The following USH2A variants were observed in gnomAD, a reference collection of about 807,000 sequenced individuals.
USH2A encodes the protein usherin.
In USH2A, 443 loss-of-function variants were observed where a neutral mutation model predicts 538.9. The ratio of observed to expected loss-of-function variants is 0.82; its 90% CI spans 0.76 to 0.89. USH2A has a LOEUF of 0.89. Among genes scored for constraint, USH2A ranks in the 40% least tolerant of loss-of-function variants. The probability of loss-of-function intolerance (pLI) is 0.00; values close to 1 mark genes in which losing one functional copy is unlikely to be tolerated. For synonymous variants in USH2A, 2,413 were observed against 2,273.5 expected (o/e 1.06, Z -1.75); for missense variants, 6,633 against 6,324.8 (o/e 1.05, Z -1.65).
At chr1:216,070,418 G>T in intron 29 of USH2A, 126 bp from the exon 30 acceptor site, 1 of 904,340 alleles carries the variant, frequency 1.1e-6, no homozygotes, top group South Asian at 1.4e-5. Flanking sequence ...ATTTATTAGA[G>T]TTGTAACTTT....
intron 21 of USH2A, among the ~76,000 whole-genome samples, chr1:216,169,928 G>A (rs551378043): frequency 6.6e-6 from 1 of 151,986 alleles, no homozygotes; most frequent in East Asian, 1.9e-4. Flanking sequence ...GAAAAGAACT[G>A]GGGTTTTGTT....
At chr1:216,093,546 C>T (rs1357004018) in intron 22 of USH2A, among the ~76,000 whole-genome samples, 1 of 152,178 alleles carries the variant, frequency 6.6e-6, no homozygotes, top group Non-Finnish European at 1.5e-5. Context: ...TCCTGGCAGC[C>T]ATTCTCCGTT....
intron 61 of USH2A, among the ~76,000 whole-genome samples, chr1:215,701,893 TAC>T (rs1659029781): frequency 6.6e-6 from 1 of 152,230 alleles, no homozygotes; most frequent in Non-Finnish European, 1.5e-5. Context: ...CACTAGTTGA[TAC>T]AGTTTCTTGA....
intron 21 of USH2A, among the ~76,000 whole-genome samples, chr1:216,117,797 G>GAC (rs1028725336): frequency 1.4e-5 from 2 of 147,040 alleles, no homozygotes; most frequent in African/African-American, 2.6e-5. Context: ...TACACACACA[G>GAC]ACACACATAT....
chr1:215,889,667 A>G (rs1485028673), intron 40 of USH2A, among the ~76,000 whole-genome samples: 1 of 152,176 alleles, frequency 6.6e-6, no homozygotes, highest in African/African-American at 2.4e-5. Context: ...AACAATGCAC[A>G]GATCTGACCT....
rs754679454 is a variant in USH2A, at chr1:216,199,898, C to A, written c.3540G>T (p.Glu1180Asp). The A allele has an allele frequency of 1.2e-6, 2 of 1,614,130 alleles. No individual in the cohort carries two copies. Among genetic ancestry groups the A allele is most frequent in the Non-Finnish European group, 1.7e-6 (2 of 1,180,004 alleles). The change falls in exon 17 of 72, where the codon GAG becomes GAT. Residue 1180 changes from glutamate (E) to aspartate (D), a missense_variant. Transcript: ENST00000307340. ...AAGGGGCACAGGACAAAATATATTT[C>A]TCTATGGGACCAGATTGATTTGAGA... ...TTLSNQSGPI[E>D]KYILSCAPLA...
chr1:215,767,208 C>T (rs1457145330), intron 55 of USH2A, among the ~76,000 whole-genome samples: 1 of 147,782 alleles, frequency 6.8e-6, no homozygotes, highest in Non-Finnish European at 1.5e-5. Flanking sequence ...ATCACTTTCA[C>T]CCCTGGGGAC....
intron 11 of USH2A, among the ~76,000 whole-genome samples, chr1:216,281,888 G>C: frequency 6.2e-5 from 1 of 16,210 alleles, no homozygotes; most frequent in Non-Finnish European, 1.5e-4. Flanking sequence ...TTTTTTTTTT[G>C]AGTTGCAGTC....
chr1:215,845,132 C>T (rs1168490523), intron 45 of USH2A, among the ~76,000 whole-genome samples: 2 of 152,110 alleles, frequency 1.3e-5, no homozygotes, highest in Non-Finnish European at 2.9e-5. Flanking sequence ...AAGAACCCAT[C>T]TTAACTAGTT....
chr1:216,003,935 A>T (rs1426955427), intron 32 of USH2A, among the ~76,000 whole-genome samples: 1 of 152,150 alleles, frequency 6.6e-6, no homozygotes, highest in Non-Finnish European at 1.5e-5. Flanking sequence ...AGTAATAATC[A>T]AGTAAGAAAT....
rs2035706425 is a variant in USH2A, at chr1:216,232,017, T to C, written c.2929A>G (p.Ile977Val). The change falls in exon 14 of 72, where the codon ATT becomes GTT. Residue 977 changes from isoleucine to valine, a missense_variant. Coordinates refer to ENST00000307340, the MANE Select transcript of USH2A (RefSeq NM_206933.4). ...CATTGGTCACAACGTTGCCCAGCAATGGAAGCATCTTGGCAAACACACTGA... is the reference window on the plus strand; with the variant it reads ...CATTGGTCACAACGTTGCCCAGCAACGGAAGCATCTTGGCAAACACACTGA... ...TGQCVCQDAS[I>V]AGQRCDQCKD... The C allele has an allele frequency of 6.2e-7, 1 of 1,613,932 alleles. No individual in the cohort carries two copies. Among genetic ancestry groups the C allele is most frequent in the Admixed American group, 1.7e-5 (1 of 60,000 alleles).
At chr1:215,849,944 T>C (rs1315495668) in intron 44 of USH2A, among the ~76,000 whole-genome samples, 1 of 151,498 alleles carries the variant, frequency 6.6e-6, no homozygotes, top group Non-Finnish European at 1.5e-5. Context: ...AATACTTTCT[T>C]ATATCACCAA....
At chr1:216,149,931 T>C (rs1487207195) in intron 21 of USH2A, among the ~76,000 whole-genome samples, 3 of 152,052 alleles carry the variant, frequency 2.0e-5, no homozygotes, top group Non-Finnish European at 4.4e-5. Context: ...TCCCTCCTCT[T>C]CCTCCTGGAA....
chr1:216,202,617 C>T (rs2035024948), intron 16 of USH2A, among the ~76,000 whole-genome samples: 1 of 152,172 alleles, frequency 6.6e-6, no homozygotes, highest in Admixed American at 6.5e-5. Flanking sequence ...CAGTCCTTGG[C>T]TCAGCACTGA....
chr1:216,169,561 ATTT>A (rs1243225531), intron 21 of USH2A, among the ~76,000 whole-genome samples: 1 of 152,114 alleles, frequency 6.6e-6, no homozygotes, highest in African/African-American at 2.4e-5. Flanking sequence ...CAGTCTTGAC[ATTT>A]ACATCTCCAT....
intron 11 of USH2A, among the ~76,000 whole-genome samples, chr1:216,274,282 A>G (rs2102585465): frequency 6.6e-6 from 1 of 152,268 alleles, no homozygotes; most frequent in East Asian, 1.9e-4. Flanking sequence ...ACATCTGAAT[A>G]TAAGTTCTAG....
chr1:216,422,149 C>G lies in USH2A; in HGVS notation c.188G>C (p.Arg63Pro), dbSNP rs369806765. 5 of 1,613,784 alleles carry G rather than the reference C, an allele frequency of 3.1e-6. No individual in the cohort carries two copies. Among genetic ancestry groups the G allele is most frequent in the African/African-American group, 1.3e-5 (1 of 75,026 alleles). The part of the protein sequence containing the change: ...PTQAVCGLPD[R>P]STFCHSSAAA... ...AGCAGAGCTGTGACAAAAAGTGCTT[C>G]GGTCTGGGAGTCCACATACTGCTTG... is the stretch of plus-strand genomic sequence containing the variant. Residue 63 changes from arginine (R) to proline (P), a missense_variant, in exon 2 of 72, where the codon CGA (arginine) becomes CCA (proline). Transcript: ENST00000307340.
At chr1:215,756,286 T>C (rs1660791959) in intron 58 of USH2A, among the ~76,000 whole-genome samples, 1 of 152,206 alleles carries the variant, frequency 6.6e-6, no homozygotes, top group South Asian at 2.1e-4. Flanking sequence ...TTTTCATTTC[T>C]CTTACTTGCA....
intron 43 of USH2A, among the ~76,000 whole-genome samples, chr1:215,870,370 C>T (rs947540659): frequency 4.0e-5 from 6 of 151,544 alleles, no homozygotes; most frequent in Admixed American, 6.6e-5. Flanking sequence ...TCTCAGCTCA[C>T]TGCAAACTCC....
Sources: gnomAD v4.1 joint callset for allele counts (sites outside exome capture counted in the v4.1 genomes callset) on GRCh38, gnomAD v4.1.1 for gene constraint, MANE v1.5 for transcripts, NCBI Gene and HGNC (gene_info 2026-07-23, HGNC 2026-07-21) for gene names.